Variants in IRAK3 observed in about 807,000 individuals in gnomAD.
IRAK3 encodes interleukin-1 receptor-associated kinase 3.
In IRAK3, 57 loss-of-function variants were observed where a neutral mutation model predicts 56.6. That is an observed-to-expected ratio of 1.01 (90% CI 0.81 to 1.26). The LOEUF (loss-of-function observed/expected upper bound fraction) is 1.26, where lower values mean the gene tolerates loss of function less well. Among genes scored for constraint, IRAK3 ranks in the 50% most tolerant of loss-of-function variants. The pLI is 0.00. For synonymous variants in IRAK3, 258 were observed against 255.7 expected (o/e 1.01, Z -0.09); for missense variants, 703 against 719.0 (o/e 0.98, Z 0.25).
At chr12:66,214,017 A>G (rs995897066) in intron 5 of IRAK3, among the ~76,000 whole-genome samples, 3 of 152,180 alleles carry the variant, frequency 2.0e-5, no homozygotes, top group African/African-American at 7.2e-5. Context: ...TGTGTATGAA[A>G]ACGTAGGTCT....
At chr12:66,234,543 T>C (rs1195106014) in intron 8 of IRAK3, 21 of 1,611,916 alleles carry the variant, frequency 1.3e-5, no homozygotes, top group Non-Finnish European at 1.8e-5. Context: ...CCAGTAAGTC[T>C]CACCTCTCCT....
chr12:66,203,618 A>T, intron 1 of IRAK3, 93 bp from the exon 2 acceptor site: 1 of 1,122,076 alleles, frequency 8.9e-7, no homozygotes, highest in Non-Finnish European at 1.3e-6. Context: ...TTAAAGTTAT[A>T]AATAAGAGGA....
chr12:66,247,583 C>T, intron 11 of IRAK3, 112 bp from the exon 12 acceptor site: 1 of 747,506 alleles, frequency 1.3e-6, no homozygotes, highest in Non-Finnish European at 2.3e-6. Context: ...AATTCTATAG[C>T]TGAACTAATT....
intron 5 of IRAK3, among the ~76,000 whole-genome samples, chr12:66,216,111 C>T (rs910516173): frequency 1.3e-5 from 2 of 152,116 alleles, no homozygotes; most frequent in Non-Finnish European, 2.9e-5. Context: ...GACCACATTT[C>T]AAGCAACAGG....
intron 2 of IRAK3, among the ~76,000 whole-genome samples, chr12:66,207,483 AC>A (rs938650118): frequency 7.1e-6 from 1 of 141,840 alleles, no homozygotes; most frequent in Non-Finnish European, 1.5e-5. Context: ...AAAAAAAAAA[AC>A]AAAAAACAGC....
At chr12:66,226,940 G>A (rs1413700933) in intron 7 of IRAK3, 103 bp downstream of exon 7, 2 of 754,798 alleles carry the variant, frequency 2.6e-6, no homozygotes, top group Non-Finnish European at 4.8e-6. Flanking sequence ...GTGTTTGCAT[G>A]AGGGGAAAGC....
chr12:66,197,714 C>A (rs2052468410), intron 1 of IRAK3: 1 of 985,388 alleles, frequency 1.0e-6, no homozygotes, highest in African/African-American at 1.7e-5. Context: ...GTGATGCAAA[C>A]TCAGAACTAT....
chr12:66,209,437 TC>T lies in IRAK3; in HGVS notation c.317-16del. ...ACATAAAATTTTTTTGTATCTACCT[TC>T]CCATATTTCTCTTTCAGGAGCAGTG... On this transcript the variant is annotated intron_variant, in intron 2 of 11. Transcript: ENST00000261233. The T allele has an allele frequency of 6.4e-7, 1 of 1,562,436 alleles. No homozygotes were observed. The highest frequency in any genetic ancestry group is 8.8e-7 in the Non-Finnish European group (1 of 1,133,644).
Position 66,253,820 on chromosome 12 carries a change from A to AT in IRAK3, c.*5652dup, listed in dbSNP as rs919689359. 40 of 147,856 alleles carry AT rather than the reference A, an allele frequency of 2.7e-4. No homozygotes were observed. The highest frequency in any genetic ancestry group is 2.6e-3 in the Admixed American group (38 of 14,786). 9.2% of individuals were successfully genotyped at this position (147,856 alleles called of 1,614,324 possible). ...GGTTTCCATTTCCTTGATCTATTAGATTTAAAAAAATGAAGCATAAAGGAG... is the reference window on the plus strand; with the variant it reads ...GGTTTCCATTTCCTTGATCTATTAGATTTTAAAAAAATGAAGCATAAAGGAG... On this transcript the variant is annotated 3_prime_UTR_variant, in exon 12 of 12. Coordinates refer to ENST00000261233, the MANE Select transcript of IRAK3 (RefSeq NM_007199.3).
At chr12:66,191,908 C>T (rs760390640) in intron 1 of IRAK3, among the ~76,000 whole-genome samples, 9 of 152,306 alleles carry the variant, frequency 5.9e-5, no homozygotes, top group Middle Eastern at 3.4e-3. Context: ...TTCTTGATGA[C>T]GGTGAGTGTC....
In IRAK3 at chr12:66,251,168, A is replaced by G. The variant is rs1416246643; in HGVS notation, c.*2997A>G. On this transcript the variant is annotated 3_prime_UTR_variant, in exon 12 of 12. Coordinates refer to ENST00000261233, the MANE Select transcript of IRAK3 (RefSeq NM_007199.3). Reference sequence around the variant, plus strand: ...GAGTATAACTATTTTGGACACCTCAAAGATGAAGTCAGATAAGCTGGCAGT... The same window carrying G: ...GAGTATAACTATTTTGGACACCTCAGAGATGAAGTCAGATAAGCTGGCAGT... 1 of 152,196 alleles carries G rather than the reference A, an allele frequency of 6.6e-6. No individual in the cohort carries two copies. Among genetic ancestry groups the G allele is most frequent in the Non-Finnish European group, 1.5e-5 (1 of 68,026 alleles). 9.4% of individuals were successfully genotyped at this position (152,196 alleles called of 1,614,324 possible).
At chr12:66,242,788 C>T (rs1394989774) in intron 8 of IRAK3, among the ~76,000 whole-genome samples, 2 of 152,174 alleles carry the variant, frequency 1.3e-5, no homozygotes, top group Non-Finnish European at 2.9e-5. Context: ...TAAAAGACCG[C>T]GGGGTCTGGG....
rs1421425847 is a variant in IRAK3 at position 66,193,051 on chromosome 12, A to G, written c.133+3619A>G. ...AGATGGAGTTTCGCTCTTGTTGCCT[A>G]GGCTGGAGTGCAATGGCGCAATCTC... On this transcript the variant is annotated intron_variant, in intron 1 of 11. Coordinates refer to ENST00000261233, the MANE Select transcript of IRAK3 (RefSeq NM_007199.3). Among the ~76,000 whole-genome samples the G allele has an allele frequency of 2.0e-5, 3 of 151,898 alleles. No individual in the cohort carries two copies. In the East Asian group the frequency reaches 5.8e-4, roughly 29 times the overall value.
chr12:66,194,196 C>T (rs2052427260), intron 1 of IRAK3, among the ~76,000 whole-genome samples: 1 of 152,150 alleles, frequency 6.6e-6, no homozygotes, highest in Non-Finnish European at 1.5e-5. Flanking sequence ...TGTGAGCCAC[C>T]GCTCCCAGGT....
At chr12:66,246,084 C>A (rs1336370125) in intron 11 of IRAK3, among the ~76,000 whole-genome samples, 1 of 151,370 alleles carries the variant, frequency 6.6e-6, no homozygotes, top group East Asian at 1.9e-4. Flanking sequence ...TGATGATAGA[C>A]AGAAGGCCAG....
intron 6 of IRAK3, among the ~76,000 whole-genome samples, chr12:66,219,961 T>C (rs1318014213): frequency 6.6e-6 from 1 of 152,258 alleles, no homozygotes; most frequent in Non-Finnish European, 1.5e-5. Flanking sequence ...CCTTATTAGA[T>C]ATATGGTTTG....
At chr12:66,226,039 T>C (rs1235728890) in intron 6 of IRAK3, among the ~76,000 whole-genome samples, 1 of 152,240 alleles carries the variant, frequency 6.6e-6, no homozygotes, top group African/African-American at 2.4e-5. Flanking sequence ...GCACTGTTTT[T>C]ACTTAATAAG....
chr12:66,235,115 C>A, intron 8 of IRAK3: 1 of 1,613,768 alleles, frequency 6.2e-7, no homozygotes, highest in Non-Finnish European at 8.5e-7. Context: ...GTTCGTTTTG[C>A]TGAGCTGATC....
intron 6 of IRAK3, 57 bp from the exon 7 acceptor site, chr12:66,226,666 G>T: frequency 1.0e-6 from 1 of 982,568 alleles, no homozygotes. Context: ...CCAGTGTGTT[G>T]TTCATTTCCT....
Sources: allele counts gnomAD v4.1 joint callset (sites outside exome capture counted in the v4.1 genomes callset), GRCh38; gene constraint gnomAD v4.1.1; transcripts MANE v1.5; gene names NCBI Gene and HGNC (gene_info 2026-07-23, HGNC 2026-07-21).